Variants in ATXN7 observed in about 807,000 individuals in gnomAD.
ATXN7 encodes the protein ataxin-7.
In ATXN7, 12 loss-of-function variants were observed where a neutral mutation model predicts 70.5. The observed-to-expected ratio is 0.17, with a 90% CI of 0.11 to 0.28. ATXN7 has a LOEUF of 0.28. Among genes scored for constraint, ATXN7 ranks in the 10% least tolerant of loss-of-function variants. The pLI is 1.00. For synonymous variants in ATXN7, 498 were observed against 448.7 expected, an observed-to-expected ratio of 1.11 and a Z score of -1.39; for missense variants, 1,256 against 1,131.7, an observed-to-expected ratio of 1.11 and a Z score of -1.58.
At chr3:63,914,878 T>C (rs1704199261) in intron 4 of ATXN7, among the ~76,000 whole-genome samples, 1 of 152,228 alleles carries the variant, frequency 6.6e-6, no homozygotes, top group Non-Finnish European at 1.5e-5. Context: ...GACGTTAAAC[T>C]ACCTACTTGA....
At chr3:63,874,812 C>T (rs1033076172) in intron 1 of ATXN7, among the ~76,000 whole-genome samples, 1 of 152,190 alleles carries the variant, frequency 6.6e-6, no homozygotes, top group Non-Finnish European at 1.5e-5. Flanking sequence ...GTGTCTTAGT[C>T]TGTTCAGGCT....
chr3:63,981,978 T>C (rs191554123), intron 6 of ATXN7, among the ~76,000 whole-genome samples: 1 of 152,180 alleles, frequency 6.6e-6, no homozygotes, highest in East Asian at 1.9e-4. Flanking sequence ...AATTTGATGG[T>C]CCACTGAGGG....
intron 5 of ATXN7, among the ~76,000 whole-genome samples, chr3:63,975,269 A>C (rs1435083616): frequency 6.6e-6 from 1 of 152,232 alleles, no homozygotes; most frequent in South Asian, 2.1e-4. Context: ...TACTATGCTC[A>C]GGAATGATAG....
At chr3:63,888,660 C>A (rs2107239899) in intron 1 of ATXN7, among the ~76,000 whole-genome samples, 1 of 152,192 alleles carries the variant, frequency 6.6e-6, no homozygotes, top group East Asian at 1.9e-4. Flanking sequence ...CCTATAATCC[C>A]AGTTACTCGG....
rs540293087 is a variant in ATXN7, at chr3:64,000,576, T to G, written c.*1109T>G. On this transcript the variant is annotated 3_prime_UTR_variant, in exon 13 of 13. Transcript: ENST00000674280. Reference sequence around the variant, plus strand: ...TTCAAGCACTTCTGGCATTGTGTGTTTTTGTATGCACTCCCCTTCATGCCA... The same window carrying G: ...TTCAAGCACTTCTGGCATTGTGTGTGTTTGTATGCACTCCCCTTCATGCCA... 3 of 152,446 alleles carry G rather than the reference T, an allele frequency of 2.0e-5. No homozygotes were observed. In the South Asian group the frequency reaches 6.2e-4, roughly 32 times the overall value. 9.4% of individuals were successfully genotyped at this position (152,446 alleles called of 1,614,324 possible).
intron 1 of ATXN7, among the ~76,000 whole-genome samples, chr3:63,877,741 T>C (rs761446671): frequency 2.0e-5 from 3 of 152,224 alleles, no homozygotes; most frequent in Non-Finnish European, 4.4e-5. Flanking sequence ...TCAGCTCTTA[T>C]TCAAAAGAAT....
intron 1 of ATXN7, among the ~76,000 whole-genome samples, 132 bp downstream of exon 1, chr3:63,864,290 A>C: frequency 7.0e-6 from 1 of 141,848 alleles, no homozygotes; most frequent in African/African-American, 2.6e-5. Flanking sequence ...TGACGCTGCT[A>C]GGGGTGGGCT....
At chr3:63,985,916 T>C (rs988166190) in intron 8 of ATXN7, among the ~76,000 whole-genome samples, 3 of 152,184 alleles carry the variant, frequency 2.0e-5, no homozygotes, top group Admixed American at 6.5e-5. Context: ...TACAGTCTAA[T>C]GAAAGAGATG....
intron 1 of ATXN7, chr3:63,865,269 C>T (rs977865496): frequency 2.6e-5 from 4 of 152,188 alleles, no homozygotes; most frequent in African/African-American, 9.7e-5. Flanking sequence ...CCAGTGACTT[C>T]AATAATACCA....
intron 2 of ATXN7, chr3:63,912,046 C>G (rs1261654578): frequency 1.3e-5 from 2 of 152,258 alleles, no homozygotes; most frequent in South Asian, 4.1e-4. Flanking sequence ...GAGGGAGGGA[C>G]CGGCAAGTGG....
At chr3:63,983,096 C>A in intron 8 of ATXN7, 75 bp downstream of exon 8, 3 of 1,146,390 alleles carry the variant, frequency 2.6e-6, no homozygotes, top group Non-Finnish European at 4.0e-6. Context: ...ACTACTCCCA[C>A]AGTCTCTCTA....
At chr3:63,922,384 G>A (rs1212634901) in intron 4 of ATXN7, among the ~76,000 whole-genome samples, 1 of 152,122 alleles carries the variant, frequency 6.6e-6, no homozygotes, top group Non-Finnish European at 1.5e-5. Context: ...AATGGGAAGT[G>A]GGAGGTGACA....
Position 63,988,140 on chromosome 3 carries a change from A to G in ATXN7, c.1177A>G (p.Thr393Ala), listed in dbSNP as rs1193506123. The change falls in exon 9 of 13, where the codon ACC (threonine) becomes GCC (alanine). Residue 393 changes from threonine to alanine, a missense_variant. Thr to Ala is a moderately conservative substitution (Grantham distance 58, BLOSUM62 0). Transcript: ENST00000674280. ...DVLLAEHKNK[T>A]REKELIRHPD... ...GTTATTAGCCGAGCACAAAAACAAAACCAGGGAAAAGGAATTGATTCGCCA... is the reference window on the plus strand; with the variant it reads ...GTTATTAGCCGAGCACAAAAACAAAGCCAGGGAAAAGGAATTGATTCGCCA... The G allele has an allele frequency of 6.2e-7, 1 of 1,614,128 alleles. No homozygotes were observed. The highest frequency in any genetic ancestry group is 1.3e-5 in the African/African-American group (1 of 75,016).
chr3:63,919,964 A>G (rs902399974), intron 4 of ATXN7, among the ~76,000 whole-genome samples: 2 of 151,988 alleles, frequency 1.3e-5, no homozygotes, highest in Non-Finnish European at 2.9e-5. Context: ...TTTCCATTCA[A>G]ATTCTCCAGA....
Position 63,995,512 on chromosome 3 carries a change from C to A in ATXN7, c.1690C>A (p.Pro564Thr). The change falls in exon 12 of 13, where the codon CCA becomes ACA. Residue 564 changes from proline to threonine, a missense_variant. Pro to Thr is a conservative substitution (Grantham distance 38). Transcript: ENST00000674280. ...HLNAQLWKKI[P>T]PVPSTTSPIS... Reference sequence around the variant, plus strand: ...TCCTCTAATTTTTTTCAGGAAAATCCCACCAGTGCCCAGTACCACCTCACC... The same window carrying A: ...TCCTCTAATTTTTTTCAGGAAAATCACACCAGTGCCCAGTACCACCTCACC... The A allele has an allele frequency of 6.2e-7, 1 of 1,613,746 alleles. No homozygotes were observed.
chr3:63,943,421 C>A (rs984929266), intron 4 of ATXN7, among the ~76,000 whole-genome samples: 2 of 152,108 alleles, frequency 1.3e-5, no homozygotes, highest in African/African-American at 4.8e-5. Context: ...TACTGGGGAG[C>A]AGGGGGAGTG....
chr3:63,983,511 C>T (rs1231358714), intron 8 of ATXN7, among the ~76,000 whole-genome samples: 1 of 151,974 alleles, frequency 6.6e-6, no homozygotes, highest in Non-Finnish European at 1.5e-5. Context: ...GCAAGCCAGG[C>T]ATGCCTGTAA....
chr3:63,922,352 T>A (rs926901279), intron 4 of ATXN7, among the ~76,000 whole-genome samples: 2 of 152,224 alleles, frequency 1.3e-5, no homozygotes, highest in Non-Finnish European at 2.9e-5. Flanking sequence ...CTCAGTTTCA[T>A]GCCTTCTTGG....
chr3:63,952,245 G>A (rs1419378235), intron 4 of ATXN7, 134 bp from the exon 5 acceptor site: 1 of 518,586 alleles, frequency 1.9e-6, no homozygotes, highest in East Asian at 3.2e-5. Context: ...TTTAATAGTG[G>A]TGGTGTACCA....
Sources: gnomAD v4.1 joint callset for allele counts (sites outside exome capture counted in the v4.1 genomes callset) on GRCh38, gnomAD v4.1.1 for gene constraint, MANE v1.5 for transcripts, NCBI Gene and HGNC (gene_info 2026-07-23, HGNC 2026-07-21) for gene names.